The following ZNF385D variants were observed in gnomAD, a reference collection of about 807,000 sequenced individuals.
The protein encoded by ZNF385D is zinc finger protein 659.
In ZNF385D, 15 loss-of-function variants were observed where a neutral mutation model predicts 35.8. The ratio of observed to expected loss-of-function variants is 0.42; its 90% CI spans 0.28 to 0.64. The LOEUF (loss-of-function observed/expected upper bound fraction) is 0.64. Ranked by LOEUF, ZNF385D falls within the 30% of genes least tolerant of loss-of-function variation. The pLI is 0.23. For missense variants in ZNF385D, 474 were observed against 494.6 expected (o/e 0.96, Z 0.39); for synonymous variants, 212 against 186.8 (o/e 1.13, Z -1.10).
At chr3:21,911,059 G>C (rs907402242) in intron 3 of ZNF385D, among the ~76,000 whole-genome samples, 6 of 151,808 alleles carry the variant, frequency 4.0e-5, no homozygotes, top group African/African-American at 1.2e-4. Context: ...TTATTAGGGG[G>C]AAAGAGAATA....
intron 1 of ZNF385D, among the ~76,000 whole-genome samples, chr3:21,731,864 G>A (rs2125489868): frequency 6.6e-6 from 1 of 152,084 alleles, no homozygotes; most frequent in East Asian, 1.9e-4. Flanking sequence ...GTCCCACCAT[G>A]CCTTTTCATC....
chr3:21,467,069 T>G (rs1240798761), intron 4 of ZNF385D, among the ~76,000 whole-genome samples: 2 of 152,188 alleles, frequency 1.3e-5, no homozygotes, highest in Non-Finnish European at 1.5e-5. Context: ...TGAATACTGA[T>G]GGAGTAGGTA....
At chr3:21,825,387 T>C (rs1694537072) in intron 3 of ZNF385D, among the ~76,000 whole-genome samples, 1 of 152,212 alleles carries the variant, frequency 6.6e-6, no homozygotes, top group African/African-American at 2.4e-5. Flanking sequence ...TTAGTGTTTG[T>C]GTTTTGTCTC....
At chr3:21,983,052 T>C (rs1694578797) in intron 3 of ZNF385D, among the ~76,000 whole-genome samples, 1 of 151,926 alleles carries the variant, frequency 6.6e-6, no homozygotes, top group Non-Finnish European at 1.5e-5. Flanking sequence ...TGAAGTTTTC[T>C]TTTTTTGTTG....
At chr3:22,048,729 G>A (rs1252691968) in intron 3 of ZNF385D, among the ~76,000 whole-genome samples, 5 of 152,074 alleles carry the variant, frequency 3.3e-5, no homozygotes, top group Non-Finnish European at 7.4e-5. Flanking sequence ...ACTATTCTGG[G>A]TCTTTTGTGA....
chr3:21,968,201 C>A lies in ZNF385D; in HGVS notation c.325+200616G>T, dbSNP rs190211510. 1.4e-4 allele frequency among the ~76,000 whole-genome samples: 22 copies of A among 152,240 alleles called. No homozygotes were observed. In the South Asian group the frequency reaches 4.6e-3, roughly 32 times the overall value. ...GGGTGGAACGCAGCCAATGCCACCA[C>A]GGAGGGAGCATTTAGACCAGCCGTA... On this transcript the variant is annotated intron_variant, in intron 3 of 5. Transcript: ENST00000494108.
intron 3 of ZNF385D, among the ~76,000 whole-genome samples, chr3:21,886,207 A>G (rs531878778): frequency 6.6e-6 from 1 of 152,100 alleles, no homozygotes; most frequent in Non-Finnish European, 1.5e-5. Flanking sequence ...TGGTCTGCCT[A>G]TTTCATCCAG....
chr3:21,977,955 T>C (rs934298955), intron 3 of ZNF385D, among the ~76,000 whole-genome samples: 5 of 152,198 alleles, frequency 3.3e-5, no homozygotes, highest in Non-Finnish European at 5.9e-5. Flanking sequence ...TTCTCTCCTC[T>C]GCTTTTTGTT....
At chr3:21,503,931 T>C (rs1270373270) in intron 4 of ZNF385D, among the ~76,000 whole-genome samples, 1 of 152,138 alleles carries the variant, frequency 6.6e-6, no homozygotes, top group Non-Finnish European at 1.5e-5. Flanking sequence ...CCTTTAAGTC[T>C]GATGAGTACA....
At chr3:21,806,408 T>G (rs1373172483) in intron 3 of ZNF385D, among the ~76,000 whole-genome samples, 1 of 152,030 alleles carries the variant, frequency 6.6e-6, no homozygotes, top group Non-Finnish European at 1.5e-5. Flanking sequence ...GGTTTCACCG[T>G]GTGAGCCAGG....
intron 1 of ZNF385D, among the ~76,000 whole-genome samples, chr3:21,680,074 TAG>T (rs990178081): frequency 6.6e-6 from 1 of 152,018 alleles, no homozygotes; most frequent in African/African-American, 2.4e-5. Context: ...AGTGGAAAAA[TAG>T]AGTCACACTA....
At chr3:21,709,678 G>C (rs1190789083) in intron 1 of ZNF385D, among the ~76,000 whole-genome samples, 1 of 152,146 alleles carries the variant, frequency 6.6e-6, no homozygotes, top group Non-Finnish European at 1.5e-5. Flanking sequence ...AAAAGTCATA[G>C]ATAAGAGGGA....
intron 2 of ZNF385D, among the ~76,000 whole-genome samples, chr3:22,279,087 A>G (rs1701583046): frequency 6.6e-6 from 1 of 152,094 alleles, no homozygotes; most frequent in Non-Finnish European, 1.5e-5. Flanking sequence ...GACTATCTCC[A>G]TCTACTCTCA....
rs148040667 is a variant in ZNF385D, at chr3:21,915,974, T to C, written c.326-250946A>G. 8.7e-3 allele frequency among the ~76,000 whole-genome samples: 1,331 copies of C among 152,270 alleles called. 8 individuals are homozygous for C. The highest frequency in any genetic ancestry group is 0.014 in the Non-Finnish European group (971 of 67,994). Reference sequence around the variant, plus strand: ...AAAAAGCTAAAATGGTTTCATCAAATTCCAGTGTAAAAGCAGAAAAGGTGA... The same window carrying C: ...AAAAAGCTAAAATGGTTTCATCAAACTCCAGTGTAAAAGCAGAAAAGGTGA... On this transcript the variant is annotated intron_variant, in intron 3 of 5. Coordinates refer to the ZNF385D transcript ENST00000494108.
intron 2 of ZNF385D, among the ~76,000 whole-genome samples, chr3:22,198,188 A>C (rs1696547751): frequency 6.6e-6 from 1 of 151,856 alleles, no homozygotes; most frequent in South Asian, 2.1e-4. Flanking sequence ...ATAAACAAAG[A>C]ATTTCTAGTA....
rs185122589 is a variant in ZNF385D at position 21,899,907 on chromosome 3, A to G, written c.326-234879T>C. Among the ~76,000 whole-genome samples, 486 of 152,320 alleles carry G rather than the reference A, an allele frequency of 3.2e-3. 2 individuals carry two copies. The highest frequency in any genetic ancestry group is 0.011 in the African/African-American group (464 of 41,574). ...TAGTAAAAATGGAACAACTTTAACT[A>G]ATAAACAGACCAGTTGAATTCCTTC... On this transcript the variant is annotated intron_variant, in intron 3 of 5. Transcript: ENST00000494108.
Position 22,196,149 on chromosome 3 carries a change from C to T in ZNF385D, c.107-27114G>A, listed in dbSNP as rs572405013. ...ACACAAGTTTACCCATGTAACAAAACTGCAATTGTACCCCTGAACTTAAAA... is the reference window on the plus strand; with the variant it reads ...ACACAAGTTTACCCATGTAACAAAATTGCAATTGTACCCCTGAACTTAAAA... On this transcript the variant is annotated intron_variant, in intron 2 of 5. Coordinates refer to the ZNF385D transcript ENST00000494108. Among the ~76,000 whole-genome samples the T allele has an allele frequency of 7.2e-5, 11 of 152,092 alleles. No individual in the cohort carries two copies. The South Asian group carries it at 1.9e-3, about 26-fold the overall frequency.
chr3:21,635,237 C>A (rs1186773347), intron 2 of ZNF385D, among the ~76,000 whole-genome samples: 1 of 151,974 alleles, frequency 6.6e-6, no homozygotes, highest in Non-Finnish European at 1.5e-5. Context: ...ATGTGTTCCA[C>A]AAATGTCATT....
At chr3:21,820,803 A>G (rs1575716260) in intron 3 of ZNF385D, among the ~76,000 whole-genome samples, 1 of 151,766 alleles carries the variant, frequency 6.6e-6, no homozygotes, top group African/African-American at 2.4e-5. Flanking sequence ...GTCTGAGGAC[A>G]TTGTGTGTGT....
Sources: gnomAD v4.1 joint callset for allele counts (sites outside exome capture counted in the v4.1 genomes callset) on GRCh38, gnomAD v4.1.1 for gene constraint, MANE v1.5 for transcripts, NCBI Gene and HGNC (gene_info 2026-07-23, HGNC 2026-07-21) for gene names.